Variants in CTNNA2 observed in about 807,000 individuals in gnomAD.
The protein encoded by CTNNA2 is catenin alpha-2.
Under a neutral mutation model 101.0 loss-of-function variants are expected in CTNNA2, and 42 were observed. The observed-to-expected ratio is 0.42, with a 90% CI of 0.32 to 0.54. CTNNA2 has a LOEUF of 0.54. Ranked by LOEUF, CTNNA2 falls within the 20% of genes least tolerant of loss-of-function variation. The pLI is 0.14. For synonymous variants in CTNNA2, 450 were observed against 456.4 expected (o/e 0.99, Z 0.18); for missense variants, 871 against 1,223.1 (o/e 0.71, Z 4.29).
intron 7 of CTNNA2, among the ~76,000 whole-genome samples, chr2:80,322,630 G>T (rs1573714227): frequency 6.6e-6 from 1 of 151,844 alleles, no homozygotes; most frequent in African/African-American, 2.4e-5. Flanking sequence ...TGCCCCGGCC[G>T]CAGCCCAGCC....
chr2:80,334,130 T>G (rs1382231004), intron 7 of CTNNA2, among the ~76,000 whole-genome samples: 5 of 152,212 alleles, frequency 3.3e-5, no homozygotes, highest in Non-Finnish European at 5.9e-5. Context: ...TCTTTTGAAT[T>G]GTCAGTTTAG....
intron 3 of CTNNA2, among the ~76,000 whole-genome samples, chr2:79,829,725 TTTATTTA>T (rs1553376497): frequency 1.4e-5 from 2 of 145,720 alleles, no homozygotes; most frequent in East Asian, 2.0e-4. Flanking sequence ...TATTTATTTA[TTTATTTA>T]TTTTTGAGAC....
chr2:79,709,557 T>C (rs565590913), intron 2 of CTNNA2, among the ~76,000 whole-genome samples: 1 of 152,282 alleles, frequency 6.6e-6, no homozygotes, highest in Admixed American at 6.5e-5. Context: ...TTTTGGCTGT[T>C]ATTACTCAAT....
At chr2:80,038,084 C>A (rs1168376256) in intron 7 of CTNNA2, among the ~76,000 whole-genome samples, 1 of 152,102 alleles carries the variant, frequency 6.6e-6, no homozygotes, top group Admixed American at 6.5e-5. Context: ...AAAACTGACT[C>A]CTGATTCTCT....
At chr2:80,220,630 C>G (rs1708521140) in intron 7 of CTNNA2, among the ~76,000 whole-genome samples, 1 of 152,184 alleles carries the variant, frequency 6.6e-6, no homozygotes, top group Admixed American at 6.5e-5. Flanking sequence ...GGTACTGCTG[C>G]ATTTGTCATG....
intron 1 of CTNNA2, among the ~76,000 whole-genome samples, chr2:79,582,204 A>G (rs1306157068): frequency 6.6e-6 from 1 of 152,246 alleles, no homozygotes; most frequent in Non-Finnish European, 1.5e-5. Flanking sequence ...TATCATTGTC[A>G]TAAGAATTAA....
chr2:80,607,221 C>T (rs551213236), intron 16 of CTNNA2, among the ~76,000 whole-genome samples: 1 of 151,764 alleles, frequency 6.6e-6, no homozygotes, highest in East Asian at 1.9e-4. Flanking sequence ...GTACTTATTT[C>T]TTATAGTATT....
At chr2:80,317,586 C>T (rs915238425) in intron 7 of CTNNA2, among the ~76,000 whole-genome samples, 5 of 152,142 alleles carry the variant, frequency 3.3e-5, no homozygotes. Context: ...GGTTTAGACC[C>T]AACAAGAGGC....
At chr2:80,048,508 C>A (rs1269453635) in intron 7 of CTNNA2, among the ~76,000 whole-genome samples, 1 of 152,166 alleles carries the variant, frequency 6.6e-6, no homozygotes, top group Non-Finnish European at 1.5e-5. Flanking sequence ...GCATAATTCT[C>A]AGGTACACTT....
intron 2 of CTNNA2, among the ~76,000 whole-genome samples, chr2:79,732,472 T>G (rs1687264224): frequency 6.6e-6 from 1 of 152,022 alleles, no homozygotes; most frequent in African/African-American, 2.4e-5. Flanking sequence ...ATTTTCATAA[T>G]AACATAAAAC....
chr2:79,425,674 C>G (rs1397482230), intron 4 of CTNNA2, among the ~76,000 whole-genome samples: 3 of 152,116 alleles, frequency 2.0e-5, no homozygotes, highest in Non-Finnish European at 4.4e-5. Flanking sequence ...TTCACAACAC[C>G]TGAGTTTTGG....
chr2:80,337,295 C>T (rs1331801978), intron 7 of CTNNA2, among the ~76,000 whole-genome samples: 1 of 151,884 alleles, frequency 6.6e-6, no homozygotes, highest in Non-Finnish European at 1.5e-5. Context: ...GCTGAGGTTG[C>T]AGTGAGCCAA....
At chr2:79,611,058 TAAAC>T (rs1393019758) in intron 1 of CTNNA2, among the ~76,000 whole-genome samples, 16 of 152,094 alleles carry the variant, frequency 1.1e-4, no homozygotes, top group Non-Finnish European at 1.6e-4. Flanking sequence ...AAGTTTCAGA[TAAAC>T]AAAACAATAG....
intron 1 of CTNNA2, among the ~76,000 whole-genome samples, chr2:79,589,723 C>T (rs1456018362): frequency 6.6e-6 from 1 of 151,130 alleles, no homozygotes; most frequent in African/African-American, 2.4e-5. Context: ...TTTTTCCCCC[C>T]CCCGAGACAC....
intron 3 of CTNNA2, among the ~76,000 whole-genome samples, chr2:79,850,329 C>G (rs13412412): frequency 0.17 from 9,972 of 59,622 alleles, 1,255 homozygotes; most frequent in Middle Eastern, 0.24. Context: ...CTTCATCCCT[C>G]CCTCCCTCCC....
At chr2:80,346,991 G>T (rs1029426135) in intron 7 of CTNNA2, among the ~76,000 whole-genome samples, 1 of 152,182 alleles carries the variant, frequency 6.6e-6, no homozygotes, top group Non-Finnish European at 1.5e-5. Context: ...CGCTAGAAAG[G>T]TTTGAAGATC....
chr2:79,457,935 A>G, intron 4 of CTNNA2, among the ~76,000 whole-genome samples: 1 of 152,212 alleles, frequency 6.6e-6, no homozygotes, highest in East Asian at 1.9e-4. Flanking sequence ...CTCTCTAGCC[A>G]CTGCTGGCAA....
At chr2:80,426,278 G>A (rs1680983924) in intron 9 of CTNNA2, among the ~76,000 whole-genome samples, 2 of 152,128 alleles carry the variant, frequency 1.3e-5, no homozygotes, top group South Asian at 4.1e-4. Context: ...TCAGGGCTGG[G>A]GTGGAGTGGG....
intron 4 of CTNNA2, among the ~76,000 whole-genome samples, chr2:79,862,582 A>G (rs1470648077): frequency 1.3e-5 from 2 of 152,184 alleles, no homozygotes. Context: ...CTATCACAGT[A>G]TTACCTTCAT....
Sources: allele counts gnomAD v4.1 joint callset (sites outside exome capture counted in the v4.1 genomes callset), GRCh38; gene constraint gnomAD v4.1.1; transcripts MANE v1.5; gene names NCBI Gene and HGNC (gene_info 2026-07-23, HGNC 2026-07-21).